The following LRRIQ1 variants were observed in gnomAD, a reference collection of about 807,000 sequenced individuals.
The protein encoded by LRRIQ1 is leucine-rich repeat- and IQ domain-containing protein 1.
A neutral mutation model predicts 211.9 loss-of-function variants in LRRIQ1; 210 were observed. The observed-to-expected ratio is 0.99, with a 90% confidence interval of 0.89 to 1.11. LRRIQ1 has a LOEUF of 1.11. Among genes scored for constraint, LRRIQ1 ranks in the 50% most tolerant of loss-of-function variants. LRRIQ1 has a pLI of 0.00. For missense variants in LRRIQ1, 2,136 were observed against 1,939.5 expected (o/e 1.10, Z -1.90); for synonymous variants, 699 against 650.1 (o/e 1.08, Z -1.14).
intron 15 of LRRIQ1, among the ~76,000 whole-genome samples, chr12:85,119,015 C>T (rs1887785345): frequency 1.3e-5 from 2 of 152,084 alleles, no homozygotes; most frequent in African/African-American, 2.4e-5. Context: ...TCTACATTGA[C>T]ATTGTCACTC....
chr12:85,089,649 G>A (rs960677417), intron 11 of LRRIQ1, among the ~76,000 whole-genome samples: 1 of 152,200 alleles, frequency 6.6e-6, no homozygotes, highest in African/African-American at 2.4e-5. Context: ...TCTGATTAAA[G>A]AAACTTCTAA....
chr12:85,144,888 A>C lies in LRRIQ1; in HGVS notation c.4329+6919A>C, dbSNP rs551925958. On this transcript the variant is annotated intron_variant, in intron 19 of 26. Transcript: ENST00000393217. Reference sequence around the variant, plus strand: ...TCCATTGCCATCACTTTATTTTAAAATCATCTTAAAACTTCAGATGATGTA... The same window carrying C: ...TCCATTGCCATCACTTTATTTTAAACTCATCTTAAAACTTCAGATGATGTA... Among the ~76,000 whole-genome samples the C allele has an allele frequency of 2.6e-5, 4 of 151,752 alleles. No individual in the cohort carries two copies. In the South Asian group the frequency reaches 6.2e-4, roughly 24 times the overall value.
chr12:85,240,642 A>G lies in LRRIQ1; in HGVS notation c.5017-4147A>G, dbSNP rs182054048. On this transcript the variant is annotated intron_variant, in intron 26 of 26. Coordinates refer to ENST00000393217, the MANE Select transcript of LRRIQ1 (RefSeq NM_001079910.2). The stretch of plus-strand genomic sequence containing the variant: ...AAATAATAAAGAAATGATGGTACAT[A>G]CATACAGTGGATATACAACACACAA... Among the ~76,000 whole-genome samples the G allele has an allele frequency of 9.2e-5, 14 of 152,294 alleles. No individual in the cohort carries two copies. The South Asian group carries it at 1.7e-3, about 18-fold the overall frequency.
At chr12:85,151,183 C>T (rs1442294602) in intron 19 of LRRIQ1, among the ~76,000 whole-genome samples, 1 of 151,132 alleles carries the variant, frequency 6.6e-6, no homozygotes. Context: ...AGAAATTTAA[C>T]AATTGATCTG....
chr12:85,198,002 CAT>C lies in LRRIQ1; in HGVS notation c.4823-31509_4823-31508del, dbSNP rs1329926573. ...TAATTATATTATATATTATATATAA[CAT>C]ATATAATATATTATATTATTATATA... On this transcript the variant is annotated intron_variant, in intron 24 of 26. Transcript: ENST00000393217. 4.7e-3 allele frequency among the ~76,000 whole-genome samples: 257 copies of C among 54,348 alleles called. 4 individuals are homozygous for C. Among genetic ancestry groups the C allele is most frequent in the African/African-American group, 0.014 (225 of 16,512 alleles). The allele number at this position is 54,348 out of a possible 152,430, so 35.7% of individuals were successfully genotyped here. A position where few individuals can be genotyped will look rare whatever the true frequency, so the allele number is the denominator to read the frequency against.
chr12:85,110,056 A>C (rs77598604), intron 15 of LRRIQ1, among the ~76,000 whole-genome samples: 2 of 152,122 alleles, frequency 1.3e-5, no homozygotes, highest in Non-Finnish European at 2.9e-5. Flanking sequence ...TATAATACGC[A>C]TAATTTATTT....
intron 11 of LRRIQ1, among the ~76,000 whole-genome samples, chr12:85,079,858 CT>C (rs1592753444): frequency 6.6e-6 from 1 of 151,392 alleles, no homozygotes; most frequent in African/African-American, 2.4e-5. Context: ...TTTTTCTATT[CT>C]TTTAGGTTAC....
intron 19 of LRRIQ1, among the ~76,000 whole-genome samples, chr12:85,151,038 A>AT (rs1319163700): frequency 6.6e-6 from 1 of 151,460 alleles, no homozygotes; most frequent in Non-Finnish European, 1.5e-5. Context: ...TATAGTCACC[A>AT]TGTTGTGCAA....
At chr12:85,135,660 G>A (rs375999980) in intron 18 of LRRIQ1, among the ~76,000 whole-genome samples, 1 of 87,270 alleles carries the variant, frequency 1.1e-5, no homozygotes, top group East Asian at 3.0e-4. Flanking sequence ...CACCAAAATG[G>A]GTACTATGAT....
rs1892887874 is a variant in LRRIQ1 at position 85,196,043 on chromosome 12, G to A, written c.4823-33474G>A. Among the ~76,000 whole-genome samples, 3 of 151,976 alleles carry A rather than the reference G, an allele frequency of 2.0e-5. No individual in the cohort carries two copies. The South Asian group carries it at 6.2e-4, about 32-fold the overall frequency. On this transcript the variant is annotated intron_variant, in intron 24 of 26. Coordinates refer to ENST00000393217, the MANE Select transcript of LRRIQ1 (RefSeq NM_001079910.2). Reference sequence around the variant, plus strand: ...CTTATACACCAATAACAGACAAACAGAGAGCCAAATCATGAGTGAACTCCC... The same window carrying A: ...CTTATACACCAATAACAGACAAACAAAGAGCCAAATCATGAGTGAACTCCC...
intron 4 of LRRIQ1, 149 bp from the exon 5 acceptor site, chr12:85,045,871 C>A: frequency 2.3e-6 from 1 of 428,898 alleles, no homozygotes; most frequent in East Asian, 3.4e-5. Flanking sequence ...GAATAATTAT[C>A]AATGTGCTGC....
chr12:85,206,449 T>A lies in LRRIQ1; in HGVS notation c.4823-23068T>A, dbSNP rs375985791. Among the ~76,000 whole-genome samples the A allele has an allele frequency of 7.9e-5, 12 of 152,122 alleles. No homozygotes were observed. In the East Asian group the frequency reaches 2.3e-3, roughly 30 times the overall value. ...TTTTGTGCTGGCAATGGCAGCACAG[T>A]GGTGCAGTGGCAGTAAGGGGTGGGT... On this transcript the variant is annotated intron_variant, in intron 24 of 26. Transcript: ENST00000393217.
chr12:85,136,633 G>A (rs549323569), intron 18 of LRRIQ1, among the ~76,000 whole-genome samples: 187 of 151,874 alleles, frequency 1.2e-3, no homozygotes, highest in Non-Finnish European at 2.1e-3. Context: ...GGTTGTGGGT[G>A]ACTGCTATTG....
chr12:85,193,088 T>TTA (rs1054183629), intron 24 of LRRIQ1, among the ~76,000 whole-genome samples: 4 of 119,534 alleles, frequency 3.3e-5, no homozygotes, highest in South Asian at 4.5e-4. Flanking sequence ...TTATATATAA[T>TTA]TATATATATT....
intron 19 of LRRIQ1, among the ~76,000 whole-genome samples, chr12:85,150,855 A>G (rs1369573160): frequency 1.3e-5 from 2 of 151,724 alleles, no homozygotes; most frequent in African/African-American, 4.8e-5. Flanking sequence ...TAAAAATTGT[A>G]TATGTTTATT....
chr12:85,243,213 A>G (rs1481226857), intron 26 of LRRIQ1, among the ~76,000 whole-genome samples: 1 of 140,230 alleles, frequency 7.1e-6, no homozygotes, highest in Non-Finnish European at 1.5e-5. Flanking sequence ...TTTTTTTTTT[A>G]AGGTTTACCA....
rs747118992 is a variant in LRRIQ1 at position 85,055,528 on chromosome 12, G to C, written c.754-19G>C. The C allele has an allele frequency of 3.4e-6, 5 of 1,453,086 alleles. No homozygotes were observed. Among genetic ancestry groups the C allele is most frequent in the Non-Finnish European group, 4.5e-6 (5 of 1,100,956 alleles). The allele number at this position is 1,453,086 out of a possible 1,614,324, so 90.0% of individuals were successfully genotyped here. On this transcript the variant is annotated intron_variant, in intron 7 of 26. Coordinates refer to ENST00000393217, the MANE Select transcript of LRRIQ1 (RefSeq NM_001079910.2). ...ATGTTTAGTTTATGCTGACTACCAT[G>C]TATCTTACTTTGTTTTAGGAGTATA...
At chr12:85,266,433 G>C (rs1469877322), downstream of LRRIQ1, among the ~76,000 whole-genome samples, 1 of 152,080 alleles carries the variant, frequency 6.6e-6, no homozygotes, top group Non-Finnish European at 1.5e-5. Flanking sequence ...AGAATCATAT[G>C]ATTATGTTTT....
chr12:85,070,154 G>A (rs968548799), intron 10 of LRRIQ1, among the ~76,000 whole-genome samples: 2 of 151,970 alleles, frequency 1.3e-5, no homozygotes, highest in Admixed American at 1.3e-4. Flanking sequence ...TAAAAAGTAA[G>A]CTGCTTTGGC....
Sources: allele counts gnomAD v4.1 joint callset (sites outside exome capture counted in the v4.1 genomes callset), GRCh38; gene constraint gnomAD v4.1.1; transcripts MANE v1.5; gene names NCBI Gene and HGNC (gene_info 2026-07-23, HGNC 2026-07-21).